EXOC6B: variants seen among roughly 807,000 people sequenced by gnomAD.
The protein encoded by EXOC6B is exocyst complex component 6B.
Under a neutral mutation model 113.5 loss-of-function variants are expected in EXOC6B, and 54 were observed. The observed-to-expected ratio is 0.48, with a 90% CI of 0.38 to 0.60. The LOEUF is 0.60. EXOC6B is among the 20% of genes least tolerant of loss of function. The probability of loss-of-function intolerance (pLI) is 0.00; values close to 1 mark genes in which losing one functional copy is unlikely to be tolerated. For synonymous variants in EXOC6B, 357 were observed against 339.0 expected, an observed-to-expected ratio of 1.05 and a Z score of -0.58; for missense variants, 797 against 977.5, an observed-to-expected ratio of 0.82 and a Z score of 2.46.
At chr2:72,315,339 A>ATG (rs141556284) in intron 20 of EXOC6B, among the ~76,000 whole-genome samples, 1,701 of 148,594 alleles carry the variant, frequency 0.011, 18 homozygotes, top group African/African-American at 0.03. Context: ...TAAAGGGTGT[A>ATG]TGTGTGTGTG....
chr2:72,806,066 T>G (rs2105103468), intron 1 of EXOC6B, among the ~76,000 whole-genome samples: 1 of 152,292 alleles, frequency 6.6e-6, no homozygotes, highest in East Asian at 1.9e-4. Flanking sequence ...CAGGGGTACA[T>G]GTGCAGGTTT....
chr2:72,539,027 G>C (rs1702452165), intron 8 of EXOC6B, among the ~76,000 whole-genome samples: 1 of 152,112 alleles, frequency 6.6e-6, no homozygotes. Context: ...CTAACCTCAA[G>C]TACCATTTTT....
At chr2:72,381,469 C>T (rs1043182802) in intron 18 of EXOC6B, among the ~76,000 whole-genome samples, 29 of 151,988 alleles carry the variant, frequency 1.9e-4, no homozygotes, top group African/African-American at 6.8e-4. Context: ...ACTACAGTGT[C>T]CCTTTTATAT....
chr2:72,527,518 T>C lies in EXOC6B; in HGVS notation c.916-12392A>G, dbSNP rs186640032. ...TGAAGCTATTATAAACACTCCTGTGTAGTTTACTGCCTGAAATCTACTTAT... is the reference window on the plus strand; with the variant it reads ...TGAAGCTATTATAAACACTCCTGTGCAGTTTACTGCCTGAAATCTACTTAT... On this transcript the variant is annotated intron_variant, in intron 8 of 21. Transcript: ENST00000272427. 4.9e-3 allele frequency among the ~76,000 whole-genome samples: 746 copies of C among 152,134 alleles called. 9 individuals are homozygous for C. The highest frequency in any genetic ancestry group is 0.017 in the African/African-American group (693 of 41,552).
At chr2:72,319,751 C>A (rs1029027151) in intron 20 of EXOC6B, among the ~76,000 whole-genome samples, 1 of 151,954 alleles carries the variant, frequency 6.6e-6, no homozygotes, top group African/African-American at 2.4e-5. Context: ...GAACTGTGTT[C>A]GTGGATTAGA....
intron 19 of EXOC6B, among the ~76,000 whole-genome samples, chr2:72,336,271 T>A (rs993493829): frequency 6.6e-6 from 1 of 152,216 alleles, no homozygotes; most frequent in Non-Finnish European, 1.5e-5. Flanking sequence ...GATATTTGCA[T>A]ATATGTCTAG....
intron 6 of EXOC6B, among the ~76,000 whole-genome samples, chr2:72,645,797 T>C (rs1673663084): frequency 6.6e-6 from 1 of 152,146 alleles, no homozygotes; most frequent in Non-Finnish European, 1.5e-5. Context: ...AAGCAGTGTG[T>C]AGAGGGAAAT....
intron 6 of EXOC6B, among the ~76,000 whole-genome samples, chr2:72,591,181 C>G (rs965111704): frequency 6.6e-6 from 1 of 152,030 alleles, no homozygotes; most frequent in African/African-American, 2.4e-5. Flanking sequence ...CTAATTTGGA[C>G]CATCTGTCTA....
Position 72,266,568 on chromosome 2 carries a change from T to C in EXOC6B, c.2196+68379A>G, listed in dbSNP as rs1291401597. 2.0e-5 allele frequency among the ~76,000 whole-genome samples: 3 copies of C among 152,066 alleles called. No homozygotes were observed. The East Asian group carries it at 5.8e-4, about 29-fold the overall frequency. On this transcript the variant is annotated intron_variant, in intron 20 of 21. Transcript: ENST00000272427. The stretch of plus-strand genomic sequence containing the variant: ...TTGTCAAAGATCAGATAGTTGTAGA[T>C]ATGCGGTGTTATTTCTGAGGGCTCT...
At chr2:72,331,519 C>T (rs529655169) in intron 20 of EXOC6B, among the ~76,000 whole-genome samples, 1 of 152,016 alleles carries the variant, frequency 6.6e-6, no homozygotes, top group Non-Finnish European at 1.5e-5. Flanking sequence ...ATTAAATGAG[C>T]CTTTAAGCTA....
intron 1 of EXOC6B, among the ~76,000 whole-genome samples, chr2:72,776,235 T>C (rs1223330779): frequency 6.6e-6 from 1 of 152,216 alleles, no homozygotes; most frequent in African/African-American, 2.4e-5. Flanking sequence ...AATATTTTTA[T>C]ACTTTTAAGG....
chr2:72,571,628 G>C (rs1704515677), intron 7 of EXOC6B, among the ~76,000 whole-genome samples: 1 of 152,066 alleles, frequency 6.6e-6, no homozygotes, highest in Admixed American at 6.5e-5. Context: ...ACTTCAATAA[G>C]CTGAGGGTGG....
At chr2:72,822,843 G>A (rs966288802) in intron 1 of EXOC6B, among the ~76,000 whole-genome samples, 3 of 152,090 alleles carry the variant, frequency 2.0e-5, no homozygotes, top group Admixed American at 1.3e-4. Flanking sequence ...AGAAAAGTTC[G>A]AGGTTTACAA....
At chr2:72,596,098 TCTAA>T (rs753656274) in intron 6 of EXOC6B, among the ~76,000 whole-genome samples, 3 of 152,128 alleles carry the variant, frequency 2.0e-5, no homozygotes, top group Non-Finnish European at 2.9e-5. Context: ...AAGAATGAGT[TCTAA>T]AAATAGTATA....
In EXOC6B at chr2:72,284,905, G is replaced by A. The variant is rs369356538; in HGVS notation, c.2196+50042C>T. On this transcript the variant is annotated intron_variant, in intron 20 of 21. Transcript: ENST00000272427. ...AGCACCCCCAGAATGAAATGCTTAG[G>A]TATAAATCTAACAAAATATGTCATC... Among the ~76,000 whole-genome samples, 11 of 152,032 alleles carry A rather than the reference G, an allele frequency of 7.2e-5. No individual in the cohort carries two copies. The East Asian group carries it at 2.1e-3, about 29-fold the overall frequency.
At chr2:72,738,457 T>C (rs961840528) in intron 2 of EXOC6B, among the ~76,000 whole-genome samples, 1 of 152,204 alleles carries the variant, frequency 6.6e-6, no homozygotes, top group African/African-American at 2.4e-5. Context: ...TTAACATGGA[T>C]TTCAACTTAT....
At chr2:72,559,009 G>C (rs1703736318) in intron 8 of EXOC6B, among the ~76,000 whole-genome samples, 1 of 152,030 alleles carries the variant, frequency 6.6e-6, no homozygotes, top group South Asian at 2.1e-4. Context: ...TGGAGAAAGG[G>C]ATCATTTCTT....
intron 5 of EXOC6B, among the ~76,000 whole-genome samples, chr2:72,728,291 C>CA (rs1680425996): frequency 6.6e-6 from 1 of 152,162 alleles, no homozygotes; most frequent in African/African-American, 2.4e-5. Context: ...GAAATGATCC[C>CA]AGCCAGACCT....
intron 8 of EXOC6B, among the ~76,000 whole-genome samples, chr2:72,552,635 C>A (rs1463840332): frequency 6.6e-6 from 1 of 151,800 alleles, no homozygotes; most frequent in Non-Finnish European, 1.5e-5. Context: ...AATAAAGCAA[C>A]AACAAAAAGG....
Sources: gnomAD v4.1 joint callset for allele counts (sites outside exome capture counted in the v4.1 genomes callset) on GRCh38, gnomAD v4.1.1 for gene constraint, MANE v1.5 for transcripts, NCBI Gene and HGNC (gene_info 2026-07-23, HGNC 2026-07-21) for gene names.